MACROD2: variants seen among roughly 807,000 people sequenced by gnomAD.
MACROD2 encodes mono-ADP ribosylhydrolase 2.
MACROD2 carries 36 observed loss-of-function variants against 70.4 expected under a neutral mutation model. That is an observed-to-expected ratio of 0.51 (90% CI 0.39 to 0.68). The LOEUF (loss-of-function observed/expected upper bound fraction) is 0.68, where lower values mean the gene tolerates loss of function less well. Among genes scored for constraint, MACROD2 ranks in the 30% least tolerant of loss-of-function variants. The pLI, the probability that MACROD2 is intolerant of heterozygous loss-of-function variation, is 0.00. For missense variants in MACROD2, 496 were observed against 538.4 expected, an observed-to-expected ratio of 0.92 and a Z score of 0.78; for synonymous variants, 172 against 178.8, an observed-to-expected ratio of 0.96 and a Z score of 0.30.
At chr20:14,337,983 G>C (rs1477264858) in intron 3 of MACROD2, among the ~76,000 whole-genome samples, 2 of 152,160 alleles carry the variant, frequency 1.3e-5, no homozygotes, top group African/African-American at 4.8e-5. Flanking sequence ...TTGAAAAGAA[G>C]TTAACCAAAA....
At chr20:14,457,116 T>C (rs977856614) in intron 3 of MACROD2, among the ~76,000 whole-genome samples, 4 of 152,074 alleles carry the variant, frequency 2.6e-5, no homozygotes, top group Non-Finnish European at 5.9e-5. Flanking sequence ...AAAGGTATCA[T>C]TATAGCATCA....
At chr20:15,056,125 A>G (rs1440704916) in intron 5 of MACROD2, among the ~76,000 whole-genome samples, 1 of 152,140 alleles carries the variant, frequency 6.6e-6, no homozygotes, top group African/African-American at 2.4e-5. Context: ...CAGCTGCAAG[A>G]CAGCACCCGA....
chr20:14,621,301 C>A (rs758535641), intron 4 of MACROD2, among the ~76,000 whole-genome samples: 64 of 152,024 alleles, frequency 4.2e-4, no homozygotes, highest in Non-Finnish European at 4.3e-4. Flanking sequence ...TCAGCCTCCA[C>A]GTGGACTATG....
intron 5 of MACROD2, among the ~76,000 whole-genome samples, chr20:14,811,662 A>C (rs1323343941): frequency 6.6e-6 from 1 of 152,128 alleles, no homozygotes; most frequent in African/African-American, 2.4e-5. Context: ...AATAGGAGAA[A>C]AGTTTTGCAA....
chr20:15,498,407 C>T (rs2047324980), intron 7 of MACROD2, among the ~76,000 whole-genome samples: 1 of 152,090 alleles, frequency 6.6e-6, no homozygotes, highest in Admixed American at 6.5e-5. Flanking sequence ...TCTCTTTCTG[C>T]GTCTGTATGG....
intron 5 of MACROD2, among the ~76,000 whole-genome samples, chr20:15,087,535 C>CTA (rs2075757830): frequency 6.6e-6 from 1 of 151,972 alleles, no homozygotes; most frequent in African/African-American, 2.4e-5. Context: ...GAGAGCAGAG[C>CTA]TATGTCTTGC....
intron 8 of MACROD2, among the ~76,000 whole-genome samples, chr20:15,785,853 G>C (rs1347965724): frequency 6.6e-6 from 1 of 151,974 alleles, no homozygotes; most frequent in Admixed American, 6.6e-5. Flanking sequence ...AAAAATAAGA[G>C]AAATTAAAAG....
In MACROD2 at chr20:14,602,774, TTAAA is replaced by T. The variant is rs1363954835; in HGVS notation, c.302-82063_302-82060del. Among the ~76,000 whole-genome samples the T allele has an allele frequency of 2.0e-5, 3 of 152,342 alleles. No homozygotes were observed. In the East Asian group the frequency reaches 5.8e-4, roughly 29 times the overall value. ...CAATTATTTCTTAAAAATTGAAAAG[TTAAA>T]TAAATTAGTTTGTCAAGACATCTTC... On this transcript the variant is annotated intron_variant, in intron 4 of 17. Transcript: ENST00000684519.
At chr20:14,142,463 C>A (rs2054889231) in intron 3 of MACROD2, among the ~76,000 whole-genome samples, 1 of 152,190 alleles carries the variant, frequency 6.6e-6, no homozygotes, top group Non-Finnish European at 1.5e-5. Flanking sequence ...TTGTACCATC[C>A]TTTCCTGCTC....
chr20:15,123,671 A>G (rs921827148), intron 5 of MACROD2, among the ~76,000 whole-genome samples: 5 of 152,182 alleles, frequency 3.3e-5, no homozygotes, highest in African/African-American at 1.2e-4. Context: ...TTATATTTCT[A>G]TTGGACAGTG....
chr20:15,275,597 A>G (rs2077384029), intron 6 of MACROD2, among the ~76,000 whole-genome samples: 1 of 152,236 alleles, frequency 6.6e-6, no homozygotes, highest in Non-Finnish European at 1.5e-5. Flanking sequence ...CTGTTGAATA[A>G]GCGGATCATT....
intron 2 of MACROD2, among the ~76,000 whole-genome samples, chr20:14,020,422 G>A (rs182318882): frequency 2.0e-5 from 3 of 152,220 alleles, no homozygotes; most frequent in South Asian, 2.1e-4. Context: ...GCAGTGAGCC[G>A]AGATCGCACC....
At chr20:15,799,492 C>T (rs186889465) in intron 8 of MACROD2, among the ~76,000 whole-genome samples, 1 of 152,310 alleles carries the variant, frequency 6.6e-6, no homozygotes, top group Non-Finnish European at 1.5e-5. Flanking sequence ...TTCTATCCCT[C>T]CTCCATAAGA....
intron 6 of MACROD2, among the ~76,000 whole-genome samples, chr20:15,362,859 A>T (rs1036261649): frequency 1.1e-4 from 17 of 151,922 alleles, no homozygotes; most frequent in African/African-American, 4.1e-4. Flanking sequence ...AAAAAAATTT[A>T]AAAATATATT....
intron 3 of MACROD2, among the ~76,000 whole-genome samples, chr20:14,100,476 A>T (rs1370973593): frequency 1.3e-5 from 2 of 149,698 alleles, no homozygotes; most frequent in Admixed American, 6.7e-5. Flanking sequence ...TATAACACTG[A>T]TGCATGTTTA....
At chr20:15,050,697 T>C (rs1284488166) in intron 5 of MACROD2, among the ~76,000 whole-genome samples, 2 of 151,854 alleles carry the variant, frequency 1.3e-5, no homozygotes, top group East Asian at 3.9e-4. Flanking sequence ...GCTGCAGACA[T>C]TTTTTAAAGT....
At chr20:14,521,737 C>T (rs1023024806) in intron 4 of MACROD2, among the ~76,000 whole-genome samples, 4 of 152,164 alleles carry the variant, frequency 2.6e-5, no homozygotes, top group Non-Finnish European at 5.9e-5. Flanking sequence ...TTCCACTATT[C>T]ATCATGTAGT....
chr20:15,655,863 T>G (rs1433766232), intron 8 of MACROD2, among the ~76,000 whole-genome samples: 1 of 152,190 alleles, frequency 6.6e-6, no homozygotes, highest in African/African-American at 2.4e-5. Context: ...AAACAGAGCA[T>G]GCAGCTCAAA....
chr20:14,485,958 C>T (rs1255202409), intron 3 of MACROD2, among the ~76,000 whole-genome samples: 1 of 151,992 alleles, frequency 6.6e-6, no homozygotes, highest in African/African-American at 2.4e-5. Context: ...ACCATCTGCA[C>T]TAAGAGAGTT....
Sources: gnomAD v4.1 joint callset for allele counts (sites outside exome capture counted in the v4.1 genomes callset) on GRCh38, gnomAD v4.1.1 for gene constraint, MANE v1.5 for transcripts, NCBI Gene and HGNC (gene_info 2026-07-23, HGNC 2026-07-21) for gene names.